SLC37A2: variants seen among roughly 807,000 people sequenced by gnomAD.
The protein encoded by SLC37A2 is glucose-6-phosphate exchanger SLC37A2.
A neutral mutation model predicts 70.7 loss-of-function variants in SLC37A2; 59 were observed. The observed-to-expected ratio is 0.83, with a 90% CI of 0.68 to 1.04. The LOEUF (loss-of-function observed/expected upper bound fraction) is 1.04, where lower values mean the gene tolerates loss of function less well. SLC37A2 is among the 50% of genes least tolerant of loss of function. The pLI, the probability that SLC37A2 is intolerant of heterozygous loss-of-function variation, is 0.00. For missense variants in SLC37A2, 580 were observed against 658.1 expected (o/e 0.88, Z 1.30); for synonymous variants, 257 against 262.1 (o/e 0.98, Z 0.19).
intron 1 of SLC37A2, among the ~76,000 whole-genome samples, chr11:125,071,566 C>T (rs1305906607): frequency 6.6e-6 from 1 of 152,244 alleles, no homozygotes; most frequent in Non-Finnish European, 1.5e-5. Context: ...TTCCTCGTGG[C>T]TCCTGGCCAA....
At position 125,089,984 on chromosome 11, in the gene SLC37A2, T is replaced by A. The variant is rs1248268841; in HGVS notation, c.*1850T>A. The A allele has an allele frequency of 2.6e-5, 4 of 152,180 alleles. No individual in the cohort carries two copies. The East Asian group carries it at 5.9e-4, about 22-fold the overall frequency. The allele number at this position is 152,180 out of a possible 1,614,324, so 9.4% of individuals were successfully genotyped here. Reference sequence around the variant, plus strand: ...CTGAGTCTGATGGGGACGTGGAGAGTCCTTATGTCCTGCTCAGGGATTGTA... The same window carrying A: ...CTGAGTCTGATGGGGACGTGGAGAGACCTTATGTCCTGCTCAGGGATTGTA... On this transcript the variant is annotated 3_prime_UTR_variant, in exon 18 of 18. Transcript: ENST00000403796.
intron 1 of SLC37A2, among the ~76,000 whole-genome samples, chr11:125,069,443 G>C (rs1405137349): frequency 1.3e-5 from 2 of 152,328 alleles, no homozygotes; most frequent in East Asian, 3.9e-4. Context: ...TGGAAAAAAT[G>C]ATGTACCTAT....
At position 125,086,014 on chromosome 11, in the gene SLC37A2, A is replaced by T. The variant is rs199510427; in HGVS notation, c.1486A>T (p.Ser496Cys). 1 of 1,614,050 alleles carries T rather than the reference A, an allele frequency of 6.2e-7. No individual in the cohort carries two copies. ...CTGGAAGGTGTCCCTGAGCAGAGGC[A>T]GCGGGTGAGTCCGGGGAGCTGAAGC... ...LAWKVSLSRGSGYKEI is the reference protein window; with the variant it reads ...LAWKVSLSRGCGYKEI The change falls in exon 17 of 18, where the codon AGC becomes TGC. Residue 496 changes from serine to cysteine, a missense_variant. Transcript: ENST00000403796.
At position 125,084,921 on chromosome 11, in the gene SLC37A2, C is replaced by T. The variant is rs747074217; in HGVS notation, c.1174+48C>T. On this transcript the variant is annotated intron_variant, in intron 13 of 17. Coordinates refer to ENST00000403796, the MANE Select transcript of SLC37A2 (RefSeq NM_001145290.2). ...TGCCAGGCCAGGGGAAAGGCACTGC[C>T]TTGGGGGCCCCATGAGGCTGGCCCA... is the stretch of plus-strand genomic sequence containing the variant. The T allele has an allele frequency of 3.1e-6, 5 of 1,610,926 alleles. No individual in the cohort carries two copies. The Admixed American group carries it at 6.7e-5, about 22-fold the overall frequency.
At position 125,088,288 on chromosome 11, in the gene SLC37A2, C is replaced by A; in HGVS notation, c.*154C>A. 1.3e-6 allele frequency: 1 copy of A among 775,476 alleles called. No individual in the cohort carries two copies. The highest frequency in any genetic ancestry group is 2.1e-6 in the Non-Finnish European group (1 of 485,180). 48.0% of individuals were successfully genotyped at this position (775,476 alleles called of 1,614,324 possible). A position where few individuals can be genotyped will look rare whatever the true frequency, so the allele number is the denominator to read the frequency against. ...CCCAGACCCCAGGGCTGCCTAAGGACACAGAGATTCTCCATGGGAAGGGGA... is the reference window on the plus strand; with the variant it reads ...CCCAGACCCCAGGGCTGCCTAAGGAAACAGAGATTCTCCATGGGAAGGGGA... On this transcript the variant is annotated 3_prime_UTR_variant, in exon 18 of 18. Coordinates refer to ENST00000403796, the MANE Select transcript of SLC37A2 (RefSeq NM_001145290.2).
At chr11:125,069,584 A>G (rs1949010038) in intron 1 of SLC37A2, among the ~76,000 whole-genome samples, 1 of 152,264 alleles carries the variant, frequency 6.6e-6, no homozygotes, top group Admixed American at 6.5e-5. Context: ...TAGGAGAAGA[A>G]GGAAGTCTTT....
intron 1 of SLC37A2, among the ~76,000 whole-genome samples, chr11:125,076,390 A>C (rs1014821002): frequency 6.6e-6 from 1 of 152,052 alleles, no homozygotes; most frequent in Admixed American, 6.5e-5. Flanking sequence ...AAAACCACTC[A>C]AACTCCCTGC....
chr11:125,087,999 G>A, intron 17 of SLC37A2, 120 bp from the exon 18 acceptor site: 2 of 1,087,054 alleles, frequency 1.8e-6, no homozygotes, highest in African/African-American at 3.2e-5. Flanking sequence ...TCATTACAGA[G>A]AACTGAGATG....
intron 1 of SLC37A2, among the ~76,000 whole-genome samples, chr11:125,066,586 T>A (rs11219886): frequency 0.058 from 8,800 of 152,252 alleles, 284 homozygotes; most frequent in African/African-American, 0.082. Flanking sequence ...ACAAGAATAA[T>A]GCAACTGACA....
chr11:125,074,410 T>C (rs1172871041), intron 1 of SLC37A2, among the ~76,000 whole-genome samples: 2 of 151,922 alleles, frequency 1.3e-5, no homozygotes, highest in African/African-American at 4.8e-5. Flanking sequence ...TGGTGCCTGG[T>C]ACAGGATGGG....
At position 125,083,810 on chromosome 11, in the gene SLC37A2, C is replaced by T; in HGVS notation, c.977-5C>T. 1 of 1,614,074 alleles carries T rather than the reference C, an allele frequency of 6.2e-7. No homozygotes were observed. Among genetic ancestry groups the T allele is most frequent in the South Asian group, 1.1e-5 (1 of 91,080 alleles). On this transcript the variant is annotated splice_region_variant and splice_polypyrimidine_tract_variant and intron_variant, in intron 10 of 17. Coordinates refer to ENST00000403796, the MANE Select transcript of SLC37A2 (RefSeq NM_001145290.2). The surrounding 1 kb of genome is among the most constrained non-coding windows in gnomAD (Gnocchi z 4.6). ...GGTCTGACCACATACCTGTATTTTC[C>T]ACAGCTCACTTTAGTGCCAAGGAGG...
intron 1 of SLC37A2, among the ~76,000 whole-genome samples, chr11:125,067,546 G>C (rs1347469344): frequency 1.3e-5 from 2 of 152,166 alleles, no homozygotes. Flanking sequence ...CCAAGCAATT[G>C]ATCAATATTA....
chr11:125,076,657 G>A (rs548665564), intron 1 of SLC37A2, 100 bp from the exon 2 acceptor site: 134 of 1,090,110 alleles, frequency 1.2e-4, no homozygotes, highest in Non-Finnish European at 1.8e-4. Context: ...TGGTCCTCAG[G>A]CCCTGGGACT....
Position 125,083,793 on chromosome 11 carries a change from C to G in SLC37A2, c.977-22C>G. On this transcript the variant is annotated intron_variant, in intron 10 of 17. Coordinates refer to ENST00000403796, the MANE Select transcript of SLC37A2 (RefSeq NM_001145290.2). This position sits in a 1 kb window ranked among gnomAD's most constrained non-coding sequence, Gnocchi z 4.6. Reference sequence around the variant, plus strand: ...GTTTGCCCCAAACCCCAGGTCTGACCACATACCTGTATTTTCCACAGCTCA... The same window carrying G: ...GTTTGCCCCAAACCCCAGGTCTGACGACATACCTGTATTTTCCACAGCTCA... 1 of 1,609,974 alleles carries G rather than the reference C, an allele frequency of 6.2e-7. No homozygotes were observed. Among genetic ancestry groups the G allele is most frequent in the Non-Finnish European group, 8.5e-7 (1 of 1,176,192 alleles).
intron 1 of SLC37A2, among the ~76,000 whole-genome samples, chr11:125,072,880 G>A (rs923040657): frequency 2.6e-5 from 4 of 152,184 alleles, no homozygotes; most frequent in African/African-American, 7.2e-5. Context: ...AGCGAGTGGT[G>A]TGACTTTGAG....
chr11:125,079,646 C>A, intron 5 of SLC37A2, 38 bp from the exon 6 acceptor site: 1 of 1,536,222 alleles, frequency 6.5e-7, no homozygotes, highest in East Asian at 2.3e-5. Context: ...GTCGCACAGC[C>A]CAGGCCTGTT....
Position 125,063,787 on chromosome 11 carries a change from G to C in SLC37A2, c.59+361G>C, listed in dbSNP as rs914229578. 9.2e-5 allele frequency among the ~76,000 whole-genome samples: 14 copies of C among 152,212 alleles called. No homozygotes were observed. Among genetic ancestry groups the C allele is most frequent in the African/African-American group, 3.4e-4 (14 of 41,452 alleles). On this transcript the variant is annotated intron_variant, in intron 1 of 17. Coordinates refer to ENST00000403796, the MANE Select transcript of SLC37A2 (RefSeq NM_001145290.2). This position sits in a 1 kb window ranked among gnomAD's most constrained non-coding sequence, Gnocchi z 5.4. ...TTGGGCAGCTGGGGAACCTGGGCTC[G>C]AAGGCTGGGGAACCGAGGCCAGGGG...
chr11:125,084,586 G>A (rs549669684), intron 12 of SLC37A2, among the ~76,000 whole-genome samples: 3 of 152,366 alleles, frequency 2.0e-5, no homozygotes, highest in Admixed American at 2.0e-4. Context: ...ATCAAGGAAA[G>A]AAGAGATTGA....
chr11:125,063,388 G>A lies in SLC37A2; in HGVS notation c.21G>A (p.Pro7=), dbSNP rs1017085646. 6.8e-6 allele frequency: 11 copies of A among 1,611,796 alleles called. No individual in the cohort carries two copies. The highest frequency in any genetic ancestry group is 9.3e-6 in the Non-Finnish European group (11 of 1,179,126). The stretch of plus-strand genomic sequence containing the variant: ...GCAAAATGCGGTCCTCCCTGGCTCC[G>A]GGAGTCTGGTTCTTCCGGGCCTTCT... The part of the protein sequence containing the change: MRSSLA[P]GVWFFRAFSR... The change falls in exon 1 of 18, where the codon CCG becomes CCA. Residue 7 remains proline (P), a synonymous_variant. Coordinates refer to ENST00000403796, the MANE Select transcript of SLC37A2 (RefSeq NM_001145290.2). The surrounding 1 kb of genome is among the most constrained non-coding windows in gnomAD (Gnocchi z 5.4).
Sources: allele counts gnomAD v4.1 joint callset (sites outside exome capture counted in the v4.1 genomes callset), GRCh38; gene constraint gnomAD v4.1.1; non-coding constraint Gnocchi (gnomAD v3.1); transcripts MANE v1.5; gene names NCBI Gene and HGNC (gene_info 2026-07-23, HGNC 2026-07-21).